SLC41A2: variants seen among roughly 807,000 people sequenced by gnomAD.
SLC41A2 encodes SLC41A1-like 1.
In SLC41A2, 32 loss-of-function variants were observed where a neutral mutation model predicts 58.3. That is an observed-to-expected ratio of 0.55 (90% CI 0.41 to 0.74). The LOEUF is 0.74. Ranked by LOEUF, SLC41A2 falls within the 30% of genes least tolerant of loss-of-function variation. The pLI is 0.00. For synonymous variants in SLC41A2, 190 were observed against 235.0 expected, an observed-to-expected ratio of 0.81 and a Z score of 1.75; for missense variants, 514 against 680.6, an observed-to-expected ratio of 0.76 and a Z score of 2.72.
chr12:104,887,074 C>T (rs1229495803), intron 5 of SLC41A2, among the ~76,000 whole-genome samples: 3 of 151,936 alleles, frequency 2.0e-5, no homozygotes, highest in Non-Finnish European at 1.5e-5. Context: ...TGTACTTGTA[C>T]TTTTACATCC....
chr12:104,865,212 A>C (rs925638056), intron 7 of SLC41A2, among the ~76,000 whole-genome samples: 1 of 152,202 alleles, frequency 6.6e-6, no homozygotes, highest in African/African-American at 2.4e-5. Context: ...GCATTATACA[A>C]AGAAAAGGAA....
intron 2 of SLC41A2, among the ~76,000 whole-genome samples, chr12:104,917,720 G>A (rs1349304952): frequency 2.0e-5 from 3 of 150,072 alleles, no homozygotes; most frequent in Admixed American, 6.7e-5. Context: ...ATATCACAAG[G>A]ACAAAAAACC....
intron 10 of SLC41A2, among the ~76,000 whole-genome samples, chr12:104,842,216 T>C (rs1460327585): frequency 6.6e-6 from 1 of 152,026 alleles, no homozygotes; most frequent in Non-Finnish European, 1.5e-5. Flanking sequence ...ACCTAAACCT[T>C]AAAGAGGTGT....
intron 2 of SLC41A2, among the ~76,000 whole-genome samples, chr12:104,913,253 C>A (rs1003531102): frequency 6.6e-6 from 1 of 152,164 alleles, no homozygotes; most frequent in African/African-American, 2.4e-5. Flanking sequence ...AAGAGGACAG[C>A]GTGACCTTGA....
At chr12:104,907,354 T>C (rs1404949319) in intron 3 of SLC41A2, among the ~76,000 whole-genome samples, 2 of 152,182 alleles carry the variant, frequency 1.3e-5, no homozygotes, top group Non-Finnish European at 2.9e-5. Flanking sequence ...AATGGCTACA[T>C]ACTATAGACT....
intron 2 of SLC41A2, among the ~76,000 whole-genome samples, chr12:104,911,422 TAAAG>T (rs2046081399): frequency 6.6e-6 from 1 of 151,754 alleles, no homozygotes; most frequent in South Asian, 2.1e-4. Flanking sequence ...TAACAGATAT[TAAAG>T]ATATATATAA....
chr12:104,831,302 C>T (rs2042026738), intron 10 of SLC41A2, among the ~76,000 whole-genome samples: 1 of 152,102 alleles, frequency 6.6e-6, no homozygotes, highest in Non-Finnish European at 1.5e-5. Context: ...GTCTTAAACT[C>T]CAAGCCTCAG....
At chr12:104,854,329 C>T (rs939290895) in intron 8 of SLC41A2, among the ~76,000 whole-genome samples, 6 of 151,878 alleles carry the variant, frequency 4.0e-5, no homozygotes, top group African/African-American at 1.5e-4. Context: ...TTTGGGAGGC[C>T]GAGGTGGGCG....
intron 3 of SLC41A2, among the ~76,000 whole-genome samples, chr12:104,901,014 C>CTTT: frequency 6.6e-6 from 1 of 152,066 alleles, no homozygotes; most frequent in African/African-American, 2.4e-5. Context: ...AGAGTAAGGG[C>CTTT]TCAAAAATAT....
intron 3 of SLC41A2, among the ~76,000 whole-genome samples, chr12:104,909,257 A>G (rs2045978159): frequency 6.6e-6 from 1 of 152,214 alleles, no homozygotes; most frequent in South Asian, 2.1e-4. Flanking sequence ...AATTAGGGGT[A>G]GCTTTAGATT....
At chr12:104,853,057 C>T (rs888131402) in intron 8 of SLC41A2, among the ~76,000 whole-genome samples, 1 of 152,066 alleles carries the variant, frequency 6.6e-6, no homozygotes, top group South Asian at 2.1e-4. Context: ...CCTCAGTATC[C>T]ACAAGACAGA....
intron 10 of SLC41A2, among the ~76,000 whole-genome samples, chr12:104,829,478 T>A (rs1410805787): frequency 1.3e-5 from 2 of 152,180 alleles, no homozygotes; most frequent in Non-Finnish European, 2.9e-5. Context: ...AGTGGTTGCC[T>A]AGTGCCTGGC....
At chr12:104,908,242 G>A (rs879846524) in intron 3 of SLC41A2, among the ~76,000 whole-genome samples, 2 of 152,126 alleles carry the variant, frequency 1.3e-5, no homozygotes, top group South Asian at 2.1e-4. Context: ...TCCAGTCTGG[G>A]CAACAACAAG....
At chr12:104,813,527 A>C (rs1407443894) in intron 10 of SLC41A2, among the ~76,000 whole-genome samples, 4 of 152,190 alleles carry the variant, frequency 2.6e-5, no homozygotes, top group Non-Finnish European at 4.4e-5. Flanking sequence ...TAACAAAATA[A>C]ATAGCTAAAG....
intron 10 of SLC41A2, among the ~76,000 whole-genome samples, chr12:104,808,904 T>C (rs913954568): frequency 1.3e-5 from 2 of 152,036 alleles, no homozygotes; most frequent in Non-Finnish European, 2.9e-5. Flanking sequence ...CTGTGGGATT[T>C]TTAAATTTTC....
chr12:104,904,720 G>A (rs977986937), intron 3 of SLC41A2, among the ~76,000 whole-genome samples: 9 of 151,866 alleles, frequency 5.9e-5, no homozygotes, highest in African/African-American at 2.2e-4. Flanking sequence ...GCAGACCTTC[G>A]CGATGAGTGT....
chr12:104,844,488 A>G lies in SLC41A2; in HGVS notation c.1520T>C (p.Phe507Ser). ...AACTCTTACCTGTAACACAGCGCCA[A>G]ATAAATACACTACTATGAAGATTAT... The part of the protein sequence containing the change: ...LTIIFIVVYL[F>S]GAVLQVFTLL... The change falls in exon 10 of 11, where the codon TTT becomes TCT. Residue 507 changes from phenylalanine (F) to serine (S), a missense_variant. Physicochemically the swap from Phe to Ser is radical, Grantham distance 155. This residue lies in a region of SLC41A2 where 128 missense variants were observed against 146.0 expected (regional missense o/e 0.88). Transcript: ENST00000258538. 6.7e-7 allele frequency: 1 copy of G among 1,502,038 alleles called. No homozygotes were observed. The highest frequency in any genetic ancestry group is 8.9e-7 in the Non-Finnish European group (1 of 1,128,458). The allele number at this position is 1,502,038 out of a possible 1,614,324, so 93.0% of individuals were successfully genotyped here.
chr12:104,911,963 A>G (rs1430448496), intron 2 of SLC41A2, among the ~76,000 whole-genome samples: 1 of 152,212 alleles, frequency 6.6e-6, no homozygotes, highest in Non-Finnish European at 1.5e-5. Flanking sequence ...AATGATGATA[A>G]TGATGAATAA....
intron 2 of SLC41A2, among the ~76,000 whole-genome samples, chr12:104,924,844 C>T (rs1593153076): frequency 6.6e-6 from 1 of 152,024 alleles, no homozygotes; most frequent in South Asian, 2.1e-4. Context: ...GGATTACTAT[C>T]CAGCAATGGA....
Sources: allele counts gnomAD v4.1 joint callset (sites outside exome capture counted in the v4.1 genomes callset), GRCh38; gene constraint gnomAD v4.1.1; regional missense constraint gnomAD v4.1.1; transcripts MANE v1.5; gene names NCBI Gene and HGNC (gene_info 2026-07-23, HGNC 2026-07-21).